The following CNTLN variants were observed in gnomAD, a reference collection of about 807,000 sequenced individuals.
The protein encoded by CNTLN is centlein, also known as centlein, centrosomal protein.
Under a neutral mutation model 180.0 loss-of-function variants are expected in CNTLN, and 212 were observed. The ratio of observed to expected loss-of-function variants is 1.18; its 90% confidence interval spans 1.05 to 1.32. The LOEUF (loss-of-function observed/expected upper bound fraction) is 1.32. CNTLN is among the 40% of genes most tolerant of loss of function. The probability of loss-of-function intolerance (pLI) is 0.00; values close to 1 mark genes in which losing one functional copy is unlikely to be tolerated. For missense variants in CNTLN, 2,095 were observed against 1,610.9 expected (o/e 1.30, Z -5.14); for synonymous variants, 722 against 563.1 (o/e 1.28, Z -3.99).
At chr9:17,397,567 C>A (rs1826634266) in intron 15 of CNTLN, among the ~76,000 whole-genome samples, 2 of 152,152 alleles carry the variant, frequency 1.3e-5, no homozygotes, top group African/African-American at 2.4e-5. Flanking sequence ...TTCTTTACTG[C>A]AGGCTGTTTC....
rs916348106 is a variant in CNTLN, at chr9:17,503,288, A to C, written c.*636A>C. On this transcript the variant is annotated 3_prime_UTR_variant, in exon 26 of 26. Transcript: ENST00000380647. ...ATACTATACGTTGTGTAGTCATATA[A>C]ATTTGCAGGGAACCACAAACCCAAT... 1 of 152,120 alleles carries C rather than the reference A, an allele frequency of 6.6e-6. No individual in the cohort carries two copies. Among genetic ancestry groups the C allele is most frequent in the African/African-American group, 2.4e-5 (1 of 41,422 alleles). 9.4% of individuals were successfully genotyped at this position (152,120 alleles called of 1,614,324 possible).
At chr9:17,354,445 T>C (rs1564022313) in intron 12 of CNTLN, among the ~76,000 whole-genome samples, 1 of 152,122 alleles carries the variant, frequency 6.6e-6, no homozygotes. Context: ...AGCTCAGGGA[T>C]TGTAAATATA....
intron 16 of CNTLN, among the ~76,000 whole-genome samples, chr9:17,412,507 T>G (rs1827927772): frequency 6.6e-6 from 1 of 152,208 alleles, no homozygotes; most frequent in Non-Finnish European, 1.5e-5. Flanking sequence ...GATACATGTT[T>G]AGTAGAAACT....
intron 13 of CNTLN, among the ~76,000 whole-genome samples, chr9:17,376,042 CTCCAAT>C (rs1824731837): frequency 1.3e-5 from 2 of 152,156 alleles, no homozygotes; most frequent in Non-Finnish European, 2.9e-5. Context: ...ACTGTTGTTG[CTCCAAT>C]GCTCGCATTC....
At chr9:17,168,422 A>T (rs1820223737) in intron 2 of CNTLN, 1 of 152,166 alleles carries the variant, frequency 6.6e-6, no homozygotes, top group Non-Finnish European at 1.5e-5. Flanking sequence ...GACCTAATGA[A>T]TACATTTATG....
intron 19 of CNTLN, among the ~76,000 whole-genome samples, chr9:17,458,449 G>C (rs1831263795): frequency 6.6e-6 from 1 of 151,832 alleles, no homozygotes; most frequent in South Asian, 2.1e-4. Flanking sequence ...CAGTATATAT[G>C]GGACCATTGC....
the CNTLN span, among the ~76,000 whole-genome samples, chr9:17,519,400 G>A: frequency 6.6e-6 from 1 of 152,090 alleles, no homozygotes; most frequent in Non-Finnish European, 1.5e-5. Flanking sequence ...CTCCAATAAT[G>A]TTTTAAAATG....
chr9:17,255,236 G>T (rs1421995644), intron 5 of CNTLN, among the ~76,000 whole-genome samples: 1 of 151,688 alleles, frequency 6.6e-6, no homozygotes, highest in Non-Finnish European at 1.5e-5. Flanking sequence ...AATAGGAGTG[G>T]TGAGAGTGGG....
At chr9:17,347,894 C>T (rs951076386) in intron 12 of CNTLN, among the ~76,000 whole-genome samples, 1 of 151,886 alleles carries the variant, frequency 6.6e-6, no homozygotes, top group South Asian at 2.1e-4. Flanking sequence ...TGCAGTGGTA[C>T]CATCTTGGCT....
intron 10 of CNTLN, among the ~76,000 whole-genome samples, chr9:17,340,578 T>C (rs745615433): frequency 3.3e-5 from 5 of 152,176 alleles, no homozygotes; most frequent in Admixed American, 6.5e-5. Context: ...AGTGAAACTA[T>C]CTTAATGGTA....
chr9:17,465,936 A>G (rs1413420296), intron 21 of CNTLN, 45 bp from the exon 22 acceptor site: 2 of 1,497,288 alleles, frequency 1.3e-6, no homozygotes, highest in East Asian at 4.6e-5. Flanking sequence ...GTATATTACT[A>G]GAATGCCTTC....
rs566497492 is a variant in CNTLN, at chr9:17,298,591, A to G, written c.1146+239A>G. 35 of 1,091,176 alleles carry G rather than the reference A, an allele frequency of 3.2e-5. No individual in the cohort carries two copies. In the South Asian group the frequency reaches 1.3e-3, roughly 42 times the overall value. The allele number at this position is 1,091,176 out of a possible 1,614,324, so 67.6% of individuals were successfully genotyped here. ...TAGATACAAACTTACTCTATAGGGT[A>G]TTATTTTTATAAATTGGCATTCAGA... On this transcript the variant is annotated intron_variant, in intron 7 of 25. Transcript: ENST00000380647.
Position 17,252,161 on chromosome 9 carries a change from A to C in CNTLN, c.849+15573A>C, listed in dbSNP as rs1039962415. ...GTTTGTGGATACTTAGGTTGATGCC[A>C]TATCTTTGCTATTATGAATAATGCC... On this transcript the variant is annotated intron_variant, in intron 5 of 25. Transcript: ENST00000380647. Among the ~76,000 whole-genome samples the C allele has an allele frequency of 3.9e-5, 6 of 151,994 alleles. No homozygotes were observed. In the South Asian group the frequency reaches 1.2e-3, roughly 31 times the overall value.
intron 10 of CNTLN, 62 bp downstream of exon 10, chr9:17,332,792 CAT>C (rs1007621346): frequency 1.5e-6 from 2 of 1,353,086 alleles, no homozygotes; most frequent in African/African-American, 3.0e-5. Context: ...CCAAAGTAAA[CAT>C]ACAGTTCATA....
chr9:17,290,682 C>G (rs555377484), intron 6 of CNTLN, among the ~76,000 whole-genome samples: 1 of 150,614 alleles, frequency 6.6e-6, no homozygotes, highest in East Asian at 1.9e-4. Context: ...GTAGGACCCT[C>G]CGAGCCAGGT....
intron 2 of CNTLN, among the ~76,000 whole-genome samples, chr9:17,215,792 G>A (rs1206786649): frequency 1.3e-5 from 2 of 152,236 alleles, no homozygotes; most frequent in South Asian, 2.1e-4. Context: ...CTTGCAGTTC[G>A]ATCTCAGACT....
At chr9:17,528,417 G>A in the CNTLN span, among the ~76,000 whole-genome samples, 16 of 152,252 alleles carry the variant, frequency 1.1e-4, no homozygotes, top group East Asian at 5.8e-4. Context: ...TTAGACAAAC[G>A]CCAGTGAAGA....
chr9:17,233,169 CTT>C (rs1824916976), intron 3 of CNTLN, among the ~76,000 whole-genome samples: 1 of 151,994 alleles, frequency 6.6e-6, no homozygotes, highest in Non-Finnish European at 1.5e-5. Flanking sequence ...GTTCTTCAAA[CTT>C]TTGTTAGTAT....
intron 2 of CNTLN, among the ~76,000 whole-genome samples, chr9:17,145,973 C>T (rs114606701): frequency 0.014 from 2,192 of 152,198 alleles, 56 homozygotes; most frequent in African/African-American, 0.051. Flanking sequence ...AAGCATAGTT[C>T]TGTTATCTAA....
Sources: gnomAD v4.1 joint callset for allele counts (sites outside exome capture counted in the v4.1 genomes callset) on GRCh38, gnomAD v4.1.1 for gene constraint, MANE v1.5 for transcripts, NCBI Gene and HGNC (gene_info 2026-07-23, HGNC 2026-07-21) for gene names.